TLL2: variants seen among roughly 807,000 people sequenced by gnomAD.
The protein encoded by TLL2 is tolloid-like protein 2.
A neutral mutation model predicts 123.0 loss-of-function variants in TLL2; 106 were observed. The ratio of observed to expected loss-of-function variants is 0.86; its 90% CI spans 0.74 to 1.01. TLL2 has a LOEUF of 1.01. TLL2 is among the 50% of genes least tolerant of loss of function. The pLI, the probability that TLL2 is intolerant of heterozygous loss-of-function variation, is 0.00. For missense variants in TLL2, 1,332 were observed against 1,336.7 expected (o/e 1.00, Z 0.06); for synonymous variants, 494 against 516.8 (o/e 0.96, Z 0.60).
chr10:96,493,114 C>A (rs959371699), intron 1 of TLL2, among the ~76,000 whole-genome samples: 1 of 152,190 alleles, frequency 6.6e-6, no homozygotes, highest in East Asian at 1.9e-4. Flanking sequence ...AGGCTCCTCT[C>A]GCTCCTCTAG....
intron 2 of TLL2, among the ~76,000 whole-genome samples, chr10:96,473,920 C>T (rs1391811087): frequency 1.3e-5 from 2 of 152,154 alleles, no homozygotes; most frequent in Non-Finnish European, 2.9e-5. Flanking sequence ...TGTCTAAGAA[C>T]TCAGGAATGG....
At chr10:96,435,116 C>T (rs112898639) in intron 3 of TLL2, among the ~76,000 whole-genome samples, 1 of 150,416 alleles carries the variant, frequency 6.6e-6, no homozygotes, top group Non-Finnish European at 1.5e-5. Flanking sequence ...ACTGCAACCT[C>T]TGCCTCCCGG....
intron 1 of TLL2, among the ~76,000 whole-genome samples, chr10:96,495,537 C>T (rs75569835): frequency 3.3e-5 from 5 of 152,012 alleles, no homozygotes; most frequent in East Asian, 1.9e-4. Context: ...TGTAGTTCCA[C>T]GCTATAAATA....
intron 3 of TLL2, among the ~76,000 whole-genome samples, chr10:96,443,498 C>T (rs1231896746): frequency 6.6e-6 from 1 of 152,170 alleles, no homozygotes; most frequent in Non-Finnish European, 1.5e-5. Flanking sequence ...CCCAGTCCAC[C>T]TGCTAGATAA....
chr10:96,456,290 G>A (rs1439445946), intron 2 of TLL2, among the ~76,000 whole-genome samples: 1 of 152,238 alleles, frequency 6.6e-6, no homozygotes, highest in East Asian at 1.9e-4. Flanking sequence ...TTCACAAGGA[G>A]ATCTTTCAGA....
At chr10:96,462,466 G>A (rs913965401) in intron 2 of TLL2, among the ~76,000 whole-genome samples, 4 of 152,156 alleles carry the variant, frequency 2.6e-5, no homozygotes, top group African/African-American at 9.7e-5. Context: ...TTATAGTTCT[G>A]GAGGCTGGGA....
At chr10:96,423,802 G>T (rs1481211951) in intron 5 of TLL2, among the ~76,000 whole-genome samples, 1 of 152,174 alleles carries the variant, frequency 6.6e-6, no homozygotes, top group African/African-American at 2.4e-5. Flanking sequence ...TTACCTGAAA[G>T]AAAGGAAGTC....
intron 1 of TLL2, among the ~76,000 whole-genome samples, chr10:96,508,775 T>A (rs902395383): frequency 6.6e-6 from 1 of 151,956 alleles, no homozygotes; most frequent in African/African-American, 2.4e-5. Flanking sequence ...TCCTGGATAT[T>A]CAGGGAAGTT....
In TLL2 at chr10:96,367,606, G is replaced by A. The variant is rs941018514; in HGVS notation, c.*482C>T. On this transcript the variant is annotated 3_prime_UTR_variant, in exon 21 of 21. Transcript: ENST00000357947. ...CAGGTTTCTTGGTTGACATGTCCCTGGCAGAGAGAAAGAAAATGATTCCAG... is the reference window on the plus strand; with the variant it reads ...CAGGTTTCTTGGTTGACATGTCCCTAGCAGAGAGAAAGAAAATGATTCCAG... 5 of 155,166 alleles carry A rather than the reference G, an allele frequency of 3.2e-5. No individual in the cohort carries two copies. The highest frequency in any genetic ancestry group is 3.1e-4 in the Admixed American group (5 of 15,942). 9.6% of individuals were successfully genotyped at this position (155,166 alleles called of 1,614,324 possible).
At chr10:96,406,545 C>G (rs1327724386) in intron 9 of TLL2, among the ~76,000 whole-genome samples, 1 of 152,138 alleles carries the variant, frequency 6.6e-6, no homozygotes, top group African/African-American at 2.4e-5. Context: ...CAAACAGCCC[C>G]AGGGGCCCTC....
chr10:96,396,108 G>C, intron 11 of TLL2, 88 bp from the exon 12 acceptor site: 1 of 1,513,694 alleles, frequency 6.6e-7, no homozygotes, highest in Non-Finnish European at 8.9e-7. Context: ...GGGGAACAGC[G>C]CTTGCCACCA....
intron 7 of TLL2, among the ~76,000 whole-genome samples, chr10:96,416,065 C>T (rs1283235143): frequency 6.6e-6 from 1 of 151,904 alleles, no homozygotes. Context: ...TAGTGGAATC[C>T]TTGGCCTCCC....
chr10:96,448,522 T>C (rs1846922669), intron 2 of TLL2, among the ~76,000 whole-genome samples: 1 of 152,172 alleles, frequency 6.6e-6, no homozygotes, highest in South Asian at 2.1e-4. Context: ...CATTCGTTCA[T>C]TCAACAAGTA....
At chr10:96,484,087 T>G (rs11188786) in intron 1 of TLL2, among the ~76,000 whole-genome samples, 15,181 of 152,204 alleles carry the variant, frequency 0.1, 817 homozygotes, top group Non-Finnish European at 0.12. Context: ...CAAGTCATCC[T>G]CCTGCCTCGG....
At chr10:96,435,404 T>C (rs1180446332) in intron 3 of TLL2, among the ~76,000 whole-genome samples, 4 of 152,244 alleles carry the variant, frequency 2.6e-5, no homozygotes, top group African/African-American at 9.6e-5. Context: ...CTTTCTTCCA[T>C]TCTGTAGGTT....
rs79016397 is a variant in TLL2 at position 96,373,898 on chromosome 10, G to C, written c.2449-89C>G. On this transcript the variant is annotated intron_variant, in intron 18 of 20. Transcript: ENST00000357947. ...TTCCAGTTCTGGGACAGGAAGGGGC[G>C]AGGCAGTGCAGGGAGACGTCCAGCT... 1.2e-3 allele frequency: 1,459 copies of C among 1,202,900 alleles called. 9 individuals carry two copies. The African/African-American group carries it at 0.019, about 16-fold the overall frequency. 74.5% of individuals were successfully genotyped at this position (1,202,900 alleles called of 1,614,324 possible). A position where few individuals can be genotyped will look rare whatever the true frequency, so the allele number is the denominator to read the frequency against.
intron 8 of TLL2, among the ~76,000 whole-genome samples, chr10:96,412,828 C>T (rs1275701080): frequency 1.3e-5 from 2 of 152,208 alleles, no homozygotes; most frequent in Non-Finnish European, 2.9e-5. Context: ...AAACCCACAT[C>T]CCCTAGTCCC....
intron 1 of TLL2, among the ~76,000 whole-genome samples, chr10:96,480,741 G>T (rs113930833): frequency 3.5e-4 from 53 of 152,342 alleles, no homozygotes; most frequent in Non-Finnish European, 5.9e-4. Flanking sequence ...GCTCTAGGCA[G>T]CTCTGAGCAA....
rs567422961 is a variant in TLL2, at chr10:96,391,809, A to G, written c.1726+3378T>C. Among the ~76,000 whole-genome samples the G allele has an allele frequency of 9.8e-5, 15 of 152,308 alleles. 1 individual carries two copies. The East Asian group carries it at 2.9e-3, about 29-fold the overall frequency. On this transcript the variant is annotated intron_variant, in intron 13 of 20. Coordinates refer to ENST00000357947, the MANE Select transcript of TLL2 (RefSeq NM_012465.4). ...ATGTTGTATATTTCTTCTTTTCTAA[A>G]TGTTGTTCTCTGCAGTTGTTTTAAC...
Sources: allele counts gnomAD v4.1 joint callset (sites outside exome capture counted in the v4.1 genomes callset), GRCh38; gene constraint gnomAD v4.1.1; transcripts MANE v1.5; gene names NCBI Gene and HGNC (gene_info 2026-07-23, HGNC 2026-07-21).